Variants in RIMS1 observed in about 807,000 individuals in gnomAD.
RIMS1 encodes regulating synaptic membrane exocytosis 1, also known as regulating synaptic membrane exocytosis protein 1.
In RIMS1, 83 loss-of-function variants were observed where a neutral mutation model predicts 214.1. That is an observed-to-expected ratio of 0.39 (90% confidence interval 0.32 to 0.47). The LOEUF is 0.47. Among genes scored for constraint, RIMS1 ranks in the 20% least tolerant of loss-of-function variants. The pLI, the probability that RIMS1 is intolerant of heterozygous loss-of-function variation, is 0.99. For synonymous variants in RIMS1, 793 were observed against 786.8 expected (o/e 1.01, Z -0.13); for missense variants, 2,050 against 2,161.8 (o/e 0.95, Z 1.03).
At chr6:72,191,768 A>G (rs2050106214) in intron 6 of RIMS1, among the ~76,000 whole-genome samples, 1 of 152,196 alleles carries the variant, frequency 6.6e-6, no homozygotes, top group Admixed American at 6.5e-5. Context: ...AGCAGCTGCA[A>G]TTGGAGTCAC....
intron 6 of RIMS1, among the ~76,000 whole-genome samples, chr6:72,190,463 CAAAAAAAAAAAAA>C (rs59655989): frequency 1.6e-5 from 2 of 128,472 alleles, no homozygotes; most frequent in Admixed American, 7.9e-5. Flanking sequence ...AACTCTGTCT[CAAAAAAAAAAAAA>C]AAAAAAAAAA....
intron 2 of RIMS1, among the ~76,000 whole-genome samples, chr6:72,054,998 C>T (rs926193732): frequency 1.3e-5 from 2 of 152,196 alleles, no homozygotes; most frequent in Non-Finnish European, 2.9e-5. Flanking sequence ...AGTCTTTGCC[C>T]ATGCCTATGT....
chr6:71,974,472 A>T (rs1796661144), intron 2 of RIMS1, among the ~76,000 whole-genome samples: 1 of 152,200 alleles, frequency 6.6e-6, no homozygotes, highest in Non-Finnish European at 1.5e-5. Context: ...GATTTAAAAT[A>T]ATCTTTTTTG....
intron 2 of RIMS1, among the ~76,000 whole-genome samples, chr6:72,019,985 A>G (rs1378892751): frequency 6.6e-6 from 1 of 152,178 alleles, no homozygotes; most frequent in Non-Finnish European, 1.5e-5. Flanking sequence ...GAACTGATGT[A>G]ACACCATCCC....
intron 4 of RIMS1, among the ~76,000 whole-genome samples, chr6:72,122,397 G>A (rs1279752634): frequency 2.6e-5 from 4 of 151,284 alleles, no homozygotes; most frequent in East Asian, 3.9e-4. Context: ...TAGTAGAGAC[G>A]GGGTTTCACC....
intron 2 of RIMS1, among the ~76,000 whole-genome samples, chr6:72,006,733 C>T (rs1807810194): frequency 6.6e-6 from 1 of 152,226 alleles, no homozygotes; most frequent in Non-Finnish European, 1.5e-5. Context: ...ATTGCTAGCA[C>T]AGCAGTCTGA....
At chr6:72,160,447 TC>T (rs1325457937) in intron 4 of RIMS1, among the ~76,000 whole-genome samples, 1 of 139,868 alleles carries the variant, frequency 7.1e-6, no homozygotes, top group African/African-American at 2.5e-5. Flanking sequence ...AGAGAGGACA[TC>T]CCTGTCTTGT....
At chr6:72,282,905 G>A (rs2090850914) in intron 23 of RIMS1, among the ~76,000 whole-genome samples, 1 of 152,020 alleles carries the variant, frequency 6.6e-6, no homozygotes, top group African/African-American at 2.4e-5. Flanking sequence ...CTGAAACCCT[G>A]AATTGAAGGG....
At chr6:72,141,585 T>A (rs941840026) in intron 4 of RIMS1, among the ~76,000 whole-genome samples, 2 of 151,978 alleles carry the variant, frequency 1.3e-5, no homozygotes, top group African/African-American at 4.8e-5. Context: ...TGCCTTCAAA[T>A]GAAAGAAAAT....
At chr6:71,985,686 TTTAG>T (rs1217938772) in intron 2 of RIMS1, among the ~76,000 whole-genome samples, 1 of 152,304 alleles carries the variant, frequency 6.6e-6, no homozygotes, top group East Asian at 1.9e-4. Context: ...TCTGTTTTTA[TTTAG>T]TTAGTTTTTG....
At chr6:72,141,250 G>A (rs2042043846) in intron 4 of RIMS1, among the ~76,000 whole-genome samples, 1 of 151,950 alleles carries the variant, frequency 6.6e-6, no homozygotes, top group South Asian at 2.1e-4. Flanking sequence ...ATATGGGAGG[G>A]ATAATAAAAG....
At chr6:72,281,202 A>G (rs913553467) in intron 23 of RIMS1, among the ~76,000 whole-genome samples, 9 of 152,114 alleles carry the variant, frequency 5.9e-5, no homozygotes, top group Non-Finnish European at 1.2e-4. Flanking sequence ...AGTGTTCTCT[A>G]ACTCTCAATT....
At chr6:71,934,620 AT>A (rs1332389286) in intron 1 of RIMS1, among the ~76,000 whole-genome samples, 3 of 152,172 alleles carry the variant, frequency 2.0e-5, no homozygotes, top group Non-Finnish European at 4.4e-5. Context: ...CATTACTGAG[AT>A]TTATAGATTA....
chr6:72,361,610 TAA>T (rs2097828773), intron 29 of RIMS1, among the ~76,000 whole-genome samples: 1 of 152,138 alleles, frequency 6.6e-6, no homozygotes, highest in Non-Finnish European at 1.5e-5. Context: ...CTTAATTAAT[TAA>T]GAGTAATTAT....
At chr6:72,237,233 A>G (rs1424033992) in intron 8 of RIMS1, among the ~76,000 whole-genome samples, 3 of 151,554 alleles carry the variant, frequency 2.0e-5, no homozygotes, top group Non-Finnish European at 2.9e-5. Flanking sequence ...GAGAGAGAAA[A>G]AAAAAAGGAA....
At chr6:72,221,427 T>G (rs982435626) in intron 6 of RIMS1, among the ~76,000 whole-genome samples, 7 of 151,998 alleles carry the variant, frequency 4.6e-5, no homozygotes, top group African/African-American at 1.7e-4. Flanking sequence ...ATAAGATGTT[T>G]TTCAGTGTTT....
At chr6:71,897,255 C>G (rs963849061) in intron 1 of RIMS1, among the ~76,000 whole-genome samples, 6 of 152,120 alleles carry the variant, frequency 3.9e-5, no homozygotes, top group African/African-American at 1.4e-4. Flanking sequence ...CTGAAGGAAC[C>G]TCTTGATTCA....
At chr6:72,372,743 A>G (rs1333293536) in intron 29 of RIMS1, among the ~76,000 whole-genome samples, 1 of 152,206 alleles carries the variant, frequency 6.6e-6, no homozygotes, top group African/African-American at 2.4e-5. Flanking sequence ...ATCTTCAGCG[A>G]TTGGTTTGCT....
At chr6:71,985,648 T>G (rs890838281) in intron 2 of RIMS1, among the ~76,000 whole-genome samples, 3 of 152,206 alleles carry the variant, frequency 2.0e-5, no homozygotes, top group African/African-American at 7.2e-5. Context: ...ACCCTATAAT[T>G]CAGTAATTGG....
Sources: allele counts gnomAD v4.1 joint callset (sites outside exome capture counted in the v4.1 genomes callset), GRCh38; gene constraint gnomAD v4.1.1; transcripts MANE v1.5; gene names NCBI Gene and HGNC (gene_info 2026-07-23, HGNC 2026-07-21).